Variants in CABP4 observed in about 807,000 individuals in gnomAD.
CABP4 encodes calcium binding protein 4, also known as calcium-binding protein 4.
CABP4 carries 30 observed loss-of-function variants against 30.7 expected under a neutral mutation model. That is an observed-to-expected ratio of 0.98 (90% CI 0.73 to 1.33). CABP4 has a LOEUF of 1.33. CABP4 is among the 40% of genes most tolerant of loss of function. CABP4 has a pLI of 0.00. For synonymous variants in CABP4, 161 were observed against 159.2 expected (o/e 1.01, Z -0.08); for missense variants, 424 against 395.5 (o/e 1.07, Z -0.61).
chr11:67,454,479 C>T (rs1195852262), upstream of CABP4, among the ~76,000 whole-genome samples: 1 of 152,072 alleles, frequency 6.6e-6, no homozygotes, highest in Non-Finnish European at 1.5e-5. Context: ...ACCAGTGAGG[C>T]CTGGCTTACC....
intron 3 of CABP4, 114 bp from the exon 4 acceptor site, chr11:67,457,459 T>C: frequency 1.2e-6 from 1 of 851,500 alleles, no homozygotes; most frequent in Non-Finnish European, 1.9e-6. Context: ...TGGACACGGG[T>C]GTTTCTTCCT....
intron 4 of CABP4, among the ~76,000 whole-genome samples, chr11:67,458,079 C>T (rs1039314791): frequency 2.6e-5 from 4 of 151,994 alleles, no homozygotes; most frequent in Non-Finnish European, 2.9e-5. Flanking sequence ...GCCAACATGG[C>T]AAAACCCCAT....
intron 1 of CABP4, 114 bp from the exon 2 acceptor site, chr11:67,456,074 T>C: frequency 6.3e-7 from 1 of 1,599,138 alleles, no homozygotes; most frequent in Non-Finnish European, 8.6e-7. Flanking sequence ...CAGGGTCCTT[T>C]TCCTACTCTG....
chr11:67,452,530 A>T, upstream of CABP4: 1 of 1,606,902 alleles, frequency 6.2e-7, no homozygotes, highest in East Asian at 2.2e-5. Flanking sequence ...GCAGCGCCAG[A>T]CGCGTGCCAG....
chr11:67,458,051 G>A (rs1419581024), intron 4 of CABP4, among the ~76,000 whole-genome samples: 3 of 152,174 alleles, frequency 2.0e-5, no homozygotes, highest in African/African-American at 7.2e-5. Flanking sequence ...CTGAGGTCAG[G>A]AGTTTGAGGT....
At chr11:67,456,571 C>A in intron 3 of CABP4, 129 bp downstream of exon 3, 1 of 1,208,402 alleles carries the variant, frequency 8.3e-7, no homozygotes, top group Non-Finnish European at 1.2e-6. Flanking sequence ...GGTTTCCAGG[C>A]AGGGGCACCG....
chr11:67,456,592 C>T (rs926234625), intron 3 of CABP4, 150 bp downstream of exon 3: 19 of 1,042,498 alleles, frequency 1.8e-5, no homozygotes, highest in South Asian at 2.8e-5. Flanking sequence ...GGTTCAAGCT[C>T]CTGCCTCTCT....
rs139328894 is a variant in CABP4, at chr11:67,455,703, C to T, written c.280C>T (p.Arg94Cys). 24 of 1,608,102 alleles carry T rather than the reference C, an allele frequency of 1.5e-5. No homozygotes were observed. Among genetic ancestry groups the T allele is most frequent in the East Asian group, 6.7e-5 (3 of 44,544 alleles). Reference sequence around the variant, plus strand: ...TGCATCCCCTGGGCCGGCCTCTTCTCGCCAGTCCCACCGACATCGTCCTGA... The same window carrying T: ...TGCATCCCCTGGGCCGGCCTCTTCTTGCCAGTCCCACCGACATCGTCCTGA... ...PPASPGPASS[R>C]QSHRHRPDSL... Residue 94 changes from arginine to cysteine, a missense_variant, in exon 1 of 6, where the codon CGC (arginine) becomes TGC (cysteine). By Grantham distance (180) the Arg-to-Cys change is radical. Transcript: ENST00000325656.
chr11:67,457,546 A>C, intron 3 of CABP4, 27 bp from the exon 4 acceptor site: 1 of 1,551,590 alleles, frequency 6.4e-7, no homozygotes, highest in African/African-American at 1.4e-5. Context: ...TGCCCTCACC[A>C]TTGTGACACT....
In CABP4 at chr11:67,459,505, T is replaced by G. The variant is rs1161804290; in HGVS notation, c.*846T>G. The G allele has an allele frequency of 6.6e-6, 1 of 152,236 alleles. No homozygotes were observed. The highest frequency in any genetic ancestry group is 6.5e-5 in the Admixed American group (1 of 15,282). The allele number at this position is 152,236 out of a possible 1,614,324, so 9.4% of individuals were successfully genotyped here. ...GACCAGTCATAGAAAGTGGCAAGGA[T>G]ACAGATGTTCAGGGCCCAGAGTGGA... On this transcript the variant is annotated 3_prime_UTR_variant, in exon 6 of 6. Coordinates refer to ENST00000325656, the MANE Select transcript of CABP4 (RefSeq NM_145200.5).
rs374363909 is a variant in CABP4 at position 67,458,477 on chromosome 11, G to A, written c.758G>A (p.Arg253Gln). The part of the protein sequence containing the change: ...LAGPELDEML[R>Q]EVDLNGDGTV... ...GGTCCTGAGCTGGACGAGATGCTCC[G>A]AGAAGTGGACCTCAATGGGGATGGC... The change falls in exon 5 of 6, where the codon CGA (arginine) becomes CAA (glutamine). Residue 253 changes from arginine to glutamine, a missense_variant. Transcript: ENST00000325656. 42 of 1,613,992 alleles carry A rather than the reference G, an allele frequency of 2.6e-5. No homozygotes were observed. The highest frequency in any genetic ancestry group is 3.3e-4 in the Middle Eastern group (2 of 6,062).
rs1342856446 is a variant in CABP4, at chr11:67,459,671, C to T, written c.*1012C>T. 1.3e-5 allele frequency: 2 copies of T among 152,220 alleles called. No homozygotes were observed. The highest frequency in any genetic ancestry group is 4.8e-5 in the African/African-American group (2 of 41,442). The allele number at this position is 152,220 out of a possible 1,614,324, so 9.4% of individuals were successfully genotyped here. On this transcript the variant is annotated 3_prime_UTR_variant, in exon 6 of 6. Coordinates refer to ENST00000325656, the MANE Select transcript of CABP4 (RefSeq NM_145200.5). ...GTGATAAAAATTACAGATTATTGGGCTGGGAGTGGTGGCTCACGCCTGTAA... is the reference window on the plus strand; with the variant it reads ...GTGATAAAAATTACAGATTATTGGGTTGGGAGTGGTGGCTCACGCCTGTAA...
chr11:67,452,785 G>A, upstream of CABP4: 2 of 1,325,966 alleles, frequency 1.5e-6, no homozygotes, highest in Non-Finnish European at 2.1e-6. Flanking sequence ...ATGATGGTGT[G>A]AATGACCGAG....
chr11:67,458,222 G>A, intron 4 of CABP4, 149 bp from the exon 5 acceptor site: 1 of 574,418 alleles, frequency 1.7e-6, no homozygotes, highest in South Asian at 8.5e-5. Context: ...TTGCGTCACT[G>A]CACTCCAGCC....
chr11:67,452,548 C>A (rs768756067), upstream of CABP4: 1 of 1,606,196 alleles, frequency 6.2e-7, no homozygotes, highest in African/African-American at 1.3e-5. Flanking sequence ...CAGCTCCATG[C>A]CGGGCCTGGG....
At position 67,459,894 on chromosome 11, in the gene CABP4, A is replaced by C. The variant is rs1382399898; in HGVS notation, c.*1235A>C. On this transcript the variant is annotated 3_prime_UTR_variant, in exon 6 of 6. Coordinates refer to ENST00000325656, the MANE Select transcript of CABP4 (RefSeq NM_145200.5). ...GAGCCCGGGAGGTGGAGCTGCAGTG[A>C]GCTGAGATCACACCATTGCACCCCA... is the stretch of plus-strand genomic sequence containing the variant. 6.6e-6 allele frequency: 1 copy of C among 152,212 alleles called. No individual in the cohort carries two copies. Among genetic ancestry groups the C allele is most frequent in the African/African-American group, 2.4e-5 (1 of 41,426 alleles). The allele number at this position is 152,212 out of a possible 1,614,324, so 9.4% of individuals were successfully genotyped here.
chr11:67,455,812 C>G (rs1342103107), intron 1 of CABP4, 23 bp downstream of exon 1: 1 of 1,551,818 alleles, frequency 6.4e-7, no homozygotes, highest in Non-Finnish European at 8.7e-7. Flanking sequence ...CTGGATTGGG[C>G]TGGGGGTCCT....
intron 5 of CABP4, 43 bp from the exon 6 acceptor site, chr11:67,458,588 C>T (rs1465767236): frequency 6.2e-7 from 1 of 1,614,144 alleles, no homozygotes; most frequent in Non-Finnish European, 8.5e-7. Context: ...CTCCTGGGAT[C>T]CCTGACGTGG....
At position 67,458,674 on chromosome 11, in the gene CABP4, A is replaced by C. The variant is rs1864918987; in HGVS notation, c.*15A>C. The C allele has an allele frequency of 6.2e-7, 1 of 1,613,924 alleles. No individual in the cohort carries two copies. Among genetic ancestry groups the C allele is most frequent in the East Asian group, 2.2e-5 (1 of 44,890 alleles). On this transcript the variant is annotated 3_prime_UTR_variant, in exon 6 of 6. Coordinates refer to ENST00000325656, the MANE Select transcript of CABP4 (RefSeq NM_145200.5). ...CCCGCCACTGAGGCTCCAGGAGGGA[A>C]TATCTGTTGCCCCTGCGGCCCCAGA...
Sources: gnomAD v4.1 joint callset for allele counts (sites outside exome capture counted in the v4.1 genomes callset) on GRCh38, gnomAD v4.1.1 for gene constraint, MANE v1.5 for transcripts, NCBI Gene and HGNC (gene_info 2026-07-23, HGNC 2026-07-21) for gene names.